The following TENM1 variants were observed in gnomAD, a reference collection of about 807,000 sequenced individuals.
TENM1 encodes teneurin-1.
A neutral mutation model predicts 174.8 loss-of-function variants in TENM1; 35 were observed. The observed-to-expected ratio is 0.20, with a 90% CI of 0.15 to 0.27. The LOEUF (loss-of-function observed/expected upper bound fraction) is 0.27. TENM1 is among the 10% of genes least tolerant of loss of function. The pLI is 1.00. For synonymous variants in TENM1, 781 were observed against 798.7 expected (o/e 0.98, Z 0.37); for missense variants, 1,633 against 2,130.1 (o/e 0.77, Z 4.59).
chrX:124,731,408 G>C (rs192294565), intron 4 of TENM1, among the ~76,000 whole-genome samples: 1 of 111,838 alleles, frequency 8.9e-6, no homozygotes, highest in African/African-American at 3.2e-5. Flanking sequence ...GCATTTGGCT[G>C]TTCTATAATA....
At chrX:125,061,382 A>G in the TENM1 span, among the ~76,000 whole-genome samples, 1 of 112,160 alleles carries the variant, frequency 8.9e-6, no homozygotes, top group Non-Finnish European at 1.9e-5. Context: ...CATATCTCAT[A>G]TGAATTGCAA....
chrX:124,953,866 A>C (rs2058530323), intron 1 of TENM1, among the ~76,000 whole-genome samples: 2 of 112,049 alleles, frequency 1.8e-5, no homozygotes, highest in African/African-American at 3.2e-5. Flanking sequence ...ATTTAGGAAG[A>C]AGCAGCAAAG....
intron 6 of TENM1, among the ~76,000 whole-genome samples, chrX:124,662,096 T>C (rs1430988559): frequency 9.0e-6 from 1 of 111,212 alleles, no homozygotes; most frequent in African/African-American, 3.3e-5. Context: ...TTTGGTCTTT[T>C]TGCAATCTTC....
At chrX:124,698,084 T>A (rs1192527070) in intron 5 of TENM1, among the ~76,000 whole-genome samples, 2 of 111,633 alleles carry the variant, frequency 1.8e-5, no homozygotes, top group Non-Finnish European at 3.8e-5. Flanking sequence ...ATCTTTCTAG[T>A]TGTTTCTTCA....
At chrX:124,947,921 G>C (rs1473900056) in intron 1 of TENM1, among the ~76,000 whole-genome samples, 1 of 112,144 alleles carries the variant, frequency 8.9e-6, no homozygotes, top group Non-Finnish European at 1.9e-5. Flanking sequence ...ACTCTGAGTA[G>C]ACTTAGTTGT....
intron 3 of TENM1, among the ~76,000 whole-genome samples, chrX:124,749,689 G>A (rs1051344790): frequency 3.6e-5 from 4 of 111,637 alleles, no homozygotes; most frequent in Non-Finnish European, 7.5e-5. Context: ...GAAATGTGGC[G>A]CTTTGTAGGT....
intron 22 of TENM1, among the ~76,000 whole-genome samples, chrX:124,457,542 T>C (rs893415832): frequency 1.2e-4 from 14 of 112,244 alleles, no homozygotes; most frequent in African/African-American, 4.5e-4. Context: ...TATCCTCCAA[T>C]GAATAAATAC....
intron 3 of TENM1, among the ~76,000 whole-genome samples, chrX:124,875,156 T>C (rs759207509): frequency 3.6e-5 from 4 of 111,530 alleles, no homozygotes; most frequent in Non-Finnish European, 7.5e-5. Context: ...GAAAAAAGTA[T>C]GGCTTTCTAC....
intron 3 of TENM1, among the ~76,000 whole-genome samples, chrX:124,800,751 C>T (rs1162547315): frequency 1.8e-5 from 2 of 111,617 alleles, no homozygotes; most frequent in Admixed American, 1.9e-4. Context: ...CTATAAATTT[C>T]CCTCTTAACA....
At chrX:124,820,731 G>C (rs1052185898) in intron 3 of TENM1, among the ~76,000 whole-genome samples, 4 of 112,223 alleles carry the variant, frequency 3.6e-5, no homozygotes, top group Non-Finnish European at 5.6e-5. Flanking sequence ...CTCCCTCATA[G>C]TGCAGGTGGG....
chrX:124,983,819 G>A, the TENM1 span, among the ~76,000 whole-genome samples: 12,905 of 109,661 alleles, frequency 0.12, 767 homozygotes, highest in Non-Finnish European at 0.17. Context: ...ACGGGGTTTC[G>A]CTATGTTGGC....
chrX:124,433,056 A>G (rs1204153220), intron 23 of TENM1, among the ~76,000 whole-genome samples: 1 of 111,924 alleles, frequency 8.9e-6, no homozygotes, highest in Non-Finnish European at 1.9e-5. Context: ...AACCCAGATG[A>G]CACTGCGGAG....
chrX:124,711,266 C>T (rs1459412835), intron 4 of TENM1, among the ~76,000 whole-genome samples: 1 of 111,315 alleles, frequency 9.0e-6, no homozygotes, highest in Non-Finnish European at 1.9e-5. Context: ...ATAAATGCCC[C>T]TGTAAGGATT....
At chrX:125,102,238 T>A in the TENM1 span, among the ~76,000 whole-genome samples, 21 of 109,383 alleles carry the variant, frequency 1.9e-4, no homozygotes, top group African/African-American at 5.7e-4. Flanking sequence ...CTCCTTTTTT[T>A]TTTTTTTTTC....
chrX:124,597,630 G>A (rs940711290), intron 11 of TENM1, among the ~76,000 whole-genome samples: 8 of 110,464 alleles, frequency 7.2e-5, no homozygotes, highest in Non-Finnish European at 1.5e-4. Context: ...AGAAATCACC[G>A]CTAAAGAACT....
intron 11 of TENM1, among the ~76,000 whole-genome samples, chrX:124,634,590 GC>G (rs1032309792): frequency 1.8e-5 from 2 of 110,769 alleles, no homozygotes; most frequent in African/African-American, 6.6e-5. Context: ...GTATGAGCCT[GC>G]TGTAACTGTT....
chrX:125,021,832 A>C, the TENM1 span, among the ~76,000 whole-genome samples: 1 of 112,996 alleles, frequency 8.8e-6, no homozygotes, highest in African/African-American at 3.2e-5. Flanking sequence ...AAAGGTAAAA[A>C]CAATTGTTAG....
chrX:124,409,082 G>T (rs1396071948), intron 25 of TENM1, among the ~76,000 whole-genome samples: 2 of 109,677 alleles, frequency 1.8e-5, no homozygotes, highest in East Asian at 5.8e-4. Flanking sequence ...TTGGACATTT[G>T]GGTTGGTTCC....
Position 124,767,569 on chromosome X carries a change from T to C in TENM1, c.536-30372A>G, listed in dbSNP as rs1302182765. 2.7e-5 allele frequency among the ~76,000 whole-genome samples: 3 copies of C among 111,740 alleles called. No individual in the cohort carries two copies. In the Admixed American group the frequency reaches 2.9e-4, roughly 11 times the overall value. On this transcript the variant is annotated intron_variant, in intron 3 of 31. Transcript: ENST00000422452. ...ATCTATCAATCTATCTATTCTTTTT[T>C]ACACCGAAGGCTTTATTGTTCTTTA...
Sources: allele counts gnomAD v4.1 joint callset (sites outside exome capture counted in the v4.1 genomes callset), GRCh38; gene constraint gnomAD v4.1.1; transcripts MANE v1.5; gene names NCBI Gene and HGNC (gene_info 2026-07-23, HGNC 2026-07-21).